The following CRACD variants were observed in gnomAD, a reference collection of about 807,000 sequenced individuals.
The protein encoded by CRACD is capping protein-inhibiting regulator of actin dynamics.
A neutral mutation model predicts 106.8 loss-of-function variants in CRACD; 56 were observed. The observed-to-expected ratio is 0.52, with a 90% CI of 0.42 to 0.66. The LOEUF (loss-of-function observed/expected upper bound fraction) is 0.66. Ranked by LOEUF, CRACD falls within the 30% of genes least tolerant of loss-of-function variation. The pLI is 0.00. For missense variants in CRACD, 1,730 were observed against 1,623.2 expected (o/e 1.07, Z -1.13); for synonymous variants, 754 against 670.8 (o/e 1.12, Z -1.92).
intron 2 of CRACD, among the ~76,000 whole-genome samples, chr4:56,268,498 TG>T (rs1298155262): frequency 6.6e-6 from 1 of 152,100 alleles, no homozygotes; most frequent in Non-Finnish European, 1.5e-5. Flanking sequence ...GATAGAAATT[TG>T]GGGGTTTGAT....
chr4:56,213,264 T>G (rs985610638), intron 2 of CRACD, among the ~76,000 whole-genome samples: 1 of 152,070 alleles, frequency 6.6e-6, no homozygotes, highest in Non-Finnish European at 1.5e-5. Flanking sequence ...CTCACCAACA[T>G]GGAGAAATCC....
intron 8 of CRACD, among the ~76,000 whole-genome samples, chr4:56,317,958 A>C (rs1056913429): frequency 2.6e-5 from 4 of 152,070 alleles, no homozygotes; most frequent in African/African-American, 9.7e-5. Context: ...ATAGGAGGTA[A>C]AGTATGGGTC....
intron 1 of CRACD, among the ~76,000 whole-genome samples, chr4:56,134,130 G>A (rs936334309): frequency 6.6e-6 from 1 of 151,954 alleles, no homozygotes; most frequent in Admixed American, 6.6e-5. Context: ...GAGCCCAGGA[G>A]GTGAAGGTTG....
intron 3 of CRACD, among the ~76,000 whole-genome samples, chr4:56,285,613 A>T (rs969600606): frequency 2.0e-4 from 30 of 151,796 alleles, no homozygotes; most frequent in African/African-American, 6.8e-4. Flanking sequence ...TGAATTTTTT[A>T]TTTTTTATTT....
intron 1 of CRACD, among the ~76,000 whole-genome samples, chr4:56,137,236 C>T (rs1735033288): frequency 6.6e-6 from 1 of 151,694 alleles, no homozygotes; most frequent in Admixed American, 6.6e-5. Context: ...CATGCTACTG[C>T]ACTCCAGGCT....
Position 56,315,035 on chromosome 4 carries a change from C to T in CRACD, c.1533C>T (p.Ala511=), listed in dbSNP as rs1015408382. 1 of 1,600,084 alleles carries T rather than the reference C, an allele frequency of 6.2e-7. No homozygotes were observed. The highest frequency in any genetic ancestry group is 8.5e-7 in the Non-Finnish European group (1 of 1,174,632). The change falls in exon 8 of 11, where the codon GCC becomes GCT. Residue 511 remains alanine, a synonymous_variant. Coordinates refer to ENST00000682029, the MANE Select transcript of CRACD (RefSeq NM_001393381.1). This position sits in a 1 kb window ranked among gnomAD's most constrained non-coding sequence, Gnocchi z 4.1. ...AQPPVERKEA[A]ALEQGRKVEE... is the part of the protein sequence containing the mutation. Reference sequence around the variant, plus strand: ...CTCCGGTGGAGAGGAAAGAAGCCGCCGCCCTTGAACAAGGCCGCAAGGTGG... The same window carrying T: ...CTCCGGTGGAGAGGAAAGAAGCCGCTGCCCTTGAACAAGGCCGCAAGGTGG...
intron 2 of CRACD, among the ~76,000 whole-genome samples, chr4:56,258,994 A>G (rs1358935187): frequency 6.6e-6 from 1 of 152,210 alleles, no homozygotes; most frequent in Non-Finnish European, 1.5e-5. Flanking sequence ...GTCTGTAACT[A>G]AAATGCAGAT....
At chr4:56,175,279 C>T (rs1736535654) in intron 1 of CRACD, among the ~76,000 whole-genome samples, 1 of 152,220 alleles carries the variant, frequency 6.6e-6, no homozygotes, top group Non-Finnish European at 1.5e-5. Flanking sequence ...TACTAATTTA[C>T]ATTCCCACCA....
intron 10 of CRACD, among the ~76,000 whole-genome samples, chr4:56,325,301 C>T (rs1344335388): frequency 2.0e-5 from 3 of 152,228 alleles, no homozygotes; most frequent in African/African-American, 7.2e-5. Context: ...TGCCACTGCA[C>T]TCCAGCCTGA....
intron 2 of CRACD, among the ~76,000 whole-genome samples, chr4:56,270,364 A>G (rs143969896): frequency 4.0e-4 from 61 of 152,084 alleles, no homozygotes; most frequent in African/African-American, 1.3e-3. Context: ...CAGCACTTCA[A>G]ATTTTCTGTG....
chr4:56,074,981 A>G (rs1036184646), intron 1 of CRACD, among the ~76,000 whole-genome samples: 3 of 152,166 alleles, frequency 2.0e-5, no homozygotes. Context: ...TATGTAATGG[A>G]TTACATTTAT....
At chr4:56,057,820 T>TTTTTTTTTTTTTTTTTTTGTTTTTG (rs1732136814) in intron 1 of CRACD, among the ~76,000 whole-genome samples, 2 of 80,190 alleles carry the variant, frequency 2.5e-5, no homozygotes, top group Non-Finnish European at 4.8e-5. Context: ...TTTTGTTTTT[T>TTTTTTTTTTTTTTTTTTTGTTTTTG]TTTTTTTTTT....
At chr4:56,273,397 C>T (rs999690719) in intron 3 of CRACD, among the ~76,000 whole-genome samples, 1 of 144,324 alleles carries the variant, frequency 6.9e-6, no homozygotes, top group Admixed American at 6.9e-5. Flanking sequence ...TCTTCCCTCT[C>T]TCTCCCCCAC....
At chr4:56,104,551 G>A (rs1019366108) in intron 1 of CRACD, among the ~76,000 whole-genome samples, 2 of 152,180 alleles carry the variant, frequency 1.3e-5, no homozygotes, top group African/African-American at 4.8e-5. Flanking sequence ...CTTAGGCAGG[G>A]AGTTCAGAAC....
At chr4:56,290,923 G>A (rs533366416) in intron 3 of CRACD, among the ~76,000 whole-genome samples, 102 of 152,302 alleles carry the variant, frequency 6.7e-4, no homozygotes, top group African/African-American at 2.5e-3. Context: ...AACTTCCCAA[G>A]TGGGCCTTTC....
At chr4:56,147,985 A>G (rs1735447415) in intron 1 of CRACD, among the ~76,000 whole-genome samples, 1 of 152,196 alleles carries the variant, frequency 6.6e-6, no homozygotes, top group Admixed American at 6.5e-5. Context: ...CCTTATAATG[A>G]GAAAGGTCAG....
At chr4:56,143,945 A>T (rs1427054164) in intron 1 of CRACD, among the ~76,000 whole-genome samples, 1 of 152,148 alleles carries the variant, frequency 6.6e-6, no homozygotes, top group African/African-American at 2.4e-5. Flanking sequence ...AAATGCTACA[A>T]TGAGGGAAAT....
chr4:56,051,033 T>C (rs76523796), intron 1 of CRACD, among the ~76,000 whole-genome samples: 1 of 152,226 alleles, frequency 6.6e-6, no homozygotes, highest in African/African-American at 2.4e-5. Flanking sequence ...TTATTATCGC[T>C]AGATGAGGAA....
chr4:56,198,622 G>A (rs1737734809), intron 2 of CRACD, among the ~76,000 whole-genome samples: 1 of 152,216 alleles, frequency 6.6e-6, no homozygotes, highest in East Asian at 1.9e-4. Flanking sequence ...TGCCAGGTAC[G>A]ATGCTCTGAG....
Sources: gnomAD v4.1 joint callset for allele counts (sites outside exome capture counted in the v4.1 genomes callset) on GRCh38, gnomAD v4.1.1 for gene constraint, Gnocchi (gnomAD v3.1) non-coding constraint, MANE v1.5 for transcripts, NCBI Gene and HGNC (gene_info 2026-07-23, HGNC 2026-07-21) for gene names.